Variants in GALNT13 observed in about 807,000 individuals in gnomAD.
GALNT13 encodes the protein polypeptide N-acetylgalactosaminyltransferase 13.
In GALNT13, 28 loss-of-function variants were observed where a neutral mutation model predicts 64.2. The ratio of observed to expected loss-of-function variants is 0.44; its 90% CI spans 0.32 to 0.60. The LOEUF (loss-of-function observed/expected upper bound fraction) is 0.60. GALNT13 is among the 20% of genes least tolerant of loss of function. The pLI, the probability that GALNT13 is intolerant of heterozygous loss-of-function variation, is 0.05. For synonymous variants in GALNT13, 214 were observed against 224.6 expected (o/e 0.95, Z 0.42); for missense variants, 577 against 669.8 (o/e 0.86, Z 1.53).
chr2:153,738,414 C>T, the GALNT13 span, among the ~76,000 whole-genome samples: 1 of 151,880 alleles, frequency 6.6e-6, no homozygotes, highest in Non-Finnish European at 1.5e-5. Flanking sequence ...TGGGTGTAAA[C>T]TTACACTTTT....
At chr2:153,987,206 A>T (rs1334614642) in intron 3 of GALNT13, among the ~76,000 whole-genome samples, 2 of 152,128 alleles carry the variant, frequency 1.3e-5, no homozygotes, top group East Asian at 3.9e-4. Context: ...GCAAATGTTT[A>T]AATGCTGATT....
the GALNT13 span, among the ~76,000 whole-genome samples, chr2:153,305,208 C>T: frequency 6.6e-6 from 1 of 152,018 alleles, no homozygotes; most frequent in Non-Finnish European, 1.5e-5. Flanking sequence ...CCAACCTTAT[C>T]AGTATTCTGT....
chr2:153,075,262 C>T, the GALNT13 span, among the ~76,000 whole-genome samples: 5 of 152,198 alleles, frequency 3.3e-5, no homozygotes, highest in East Asian at 9.7e-4. Context: ...TTGTTAGTTA[C>T]AACTGGGTTG....
the GALNT13 span, among the ~76,000 whole-genome samples, chr2:153,259,159 C>G: frequency 4.6e-5 from 7 of 152,048 alleles, no homozygotes; most frequent in Non-Finnish European, 1.0e-4. Context: ...GTGAATTGAC[C>G]CCCTTATCAT....
the GALNT13 span, among the ~76,000 whole-genome samples, chr2:153,758,145 A>T: frequency 2.6e-5 from 4 of 152,106 alleles, no homozygotes; most frequent in Non-Finnish European, 4.4e-5. Flanking sequence ...ACCCAGTTTG[A>T]GTCGCTTTTG....
chr2:154,411,834 T>G (rs149837564), intron 11 of GALNT13, among the ~76,000 whole-genome samples: 1 of 151,880 alleles, frequency 6.6e-6, no homozygotes, highest in East Asian at 1.9e-4. Flanking sequence ...TGCATTACCC[T>G]GATCTGATTA....
the GALNT13 span, among the ~76,000 whole-genome samples, chr2:153,793,235 G>T: frequency 1.3e-5 from 2 of 151,930 alleles, no homozygotes; most frequent in African/African-American, 4.8e-5. Flanking sequence ...GGCTCCCAAA[G>T]CGCTGGGATT....
At chr2:153,478,229 G>T in the GALNT13 span, 1 of 1,604,730 alleles carries the variant, frequency 6.2e-7, no homozygotes, top group Non-Finnish European at 8.5e-7. Flanking sequence ...CGGGGGCAGA[G>T]GGCGGGTCAG....
At chr2:154,367,402 A>G (rs1388493623) in intron 9 of GALNT13, among the ~76,000 whole-genome samples, 1 of 152,228 alleles carries the variant, frequency 6.6e-6, no homozygotes, top group Non-Finnish European at 1.5e-5. Context: ...TTTGTTAGCC[A>G]TTAGTTACAT....
At chr2:153,437,144 G>T in the GALNT13 span, among the ~76,000 whole-genome samples, 1 of 152,148 alleles carries the variant, frequency 6.6e-6, no homozygotes, top group Admixed American at 6.5e-5. Context: ...TTTTGAGTGA[G>T]TTTCTTAATC....
At chr2:153,446,248 A>G in the GALNT13 span, among the ~76,000 whole-genome samples, 229 of 152,332 alleles carry the variant, frequency 1.5e-3, no homozygotes, top group African/African-American at 5.4e-3. Flanking sequence ...GGTCAATACC[A>G]TTGTGGAATT....
At chr2:154,063,778 C>T (rs1297039015) in intron 3 of GALNT13, among the ~76,000 whole-genome samples, 3 of 151,992 alleles carry the variant, frequency 2.0e-5, no homozygotes, top group African/African-American at 7.2e-5. Flanking sequence ...AGGTTTTTTG[C>T]AGTAAAATAT....
chr2:153,135,512 A>G, the GALNT13 span, among the ~76,000 whole-genome samples: 1 of 152,170 alleles, frequency 6.6e-6, no homozygotes, highest in Non-Finnish European at 1.5e-5. Flanking sequence ...ATGGCTAACT[A>G]CTTTATCTGA....
At chr2:153,952,088 T>G (rs1362353425) in intron 3 of GALNT13, among the ~76,000 whole-genome samples, 1 of 152,164 alleles carries the variant, frequency 6.6e-6, no homozygotes, top group Admixed American at 6.6e-5. Flanking sequence ...GGAATTAAAG[T>G]GCACTAAAGA....
intron 9 of GALNT13, among the ~76,000 whole-genome samples, chr2:154,317,861 A>G: frequency 6.6e-6 from 1 of 152,130 alleles, no homozygotes; most frequent in East Asian, 1.9e-4. Context: ...TGGACTGTCA[A>G]GGATAACAAT....
chr2:153,295,239 A>C, the GALNT13 span, among the ~76,000 whole-genome samples: 8 of 152,206 alleles, frequency 5.3e-5, no homozygotes, highest in Non-Finnish European at 8.8e-5. Context: ...GAGGGTTGCC[A>C]GATAACTTAC....
At chr2:154,382,577 A>G (rs940421312) in intron 9 of GALNT13, among the ~76,000 whole-genome samples, 4 of 151,780 alleles carry the variant, frequency 2.6e-5, no homozygotes, top group African/African-American at 4.8e-5. Context: ...CATATGTCAA[A>G]CTCATGGTTA....
chr2:153,726,746 C>G, the GALNT13 span, among the ~76,000 whole-genome samples: 1 of 151,998 alleles, frequency 6.6e-6, no homozygotes, highest in Non-Finnish European at 1.5e-5. Flanking sequence ...CAAGACCATC[C>G]TGGCTAACAC....
chr2:153,338,415 TTAG>T, the GALNT13 span, among the ~76,000 whole-genome samples: 7 of 152,334 alleles, frequency 4.6e-5, no homozygotes, highest in East Asian at 1.9e-4. Flanking sequence ...GGATTAAAAC[TTAG>T]TAGGTGGAAA....
Sources: allele counts gnomAD v4.1 joint callset (sites outside exome capture counted in the v4.1 genomes callset), GRCh38; gene constraint gnomAD v4.1.1; transcripts MANE v1.5; gene names NCBI Gene and HGNC (gene_info 2026-07-23, HGNC 2026-07-21).